CCDC88A: variants seen among roughly 807,000 people sequenced by gnomAD.
CCDC88A encodes girdin.
In CCDC88A, 54 loss-of-function variants were observed where a neutral mutation model predicts 234.3. That is an observed-to-expected ratio of 0.23 (90% CI 0.19 to 0.29). CCDC88A has a LOEUF of 0.29. Ranked by LOEUF, CCDC88A falls within the 10% of genes least tolerant of loss-of-function variation. The pLI is 1.00. For missense variants in CCDC88A, 1,832 were observed against 2,123.4 expected, an observed-to-expected ratio of 0.86 and a Z score of 2.70; for synonymous variants, 753 against 737.8, an observed-to-expected ratio of 1.02 and a Z score of -0.33.
chr2:55,290,382 G>T lies in CCDC88A; in HGVS notation c.*818C>A, dbSNP rs1208981170. The stretch of plus-strand genomic sequence containing the variant: ...ATACATAACCCAATACCAAAGAAAA[G>T]AAATGAGTTAAAGCACAACAGCTTT... On this transcript the variant is annotated 3_prime_UTR_variant, in exon 33 of 33. Coordinates refer to ENST00000436346, the MANE Select transcript of CCDC88A (RefSeq NM_001365480.1). 1 of 151,890 alleles carries T rather than the reference G, an allele frequency of 6.6e-6. No homozygotes were observed. The highest frequency in any genetic ancestry group is 6.6e-5 in the Admixed American group (1 of 15,238). 9.4% of individuals were successfully genotyped at this position (151,890 alleles called of 1,614,324 possible).
At chr2:55,417,602 T>C (rs1681703666) in intron 2 of CCDC88A, 1 of 151,972 alleles carries the variant, frequency 6.6e-6, no homozygotes, top group South Asian at 2.1e-4. Context: ...TATATTTCTT[T>C]GGGTGCCTAT....
At chr2:55,370,413 G>A (rs148854060) in intron 5 of CCDC88A, among the ~76,000 whole-genome samples, 19 of 150,692 alleles carry the variant, frequency 1.3e-4, no homozygotes, top group East Asian at 1.0e-3. Flanking sequence ...AGGCCGAGGC[G>A]GGCAGATCAC....
In CCDC88A at chr2:55,317,791, A is replaced by C; in HGVS notation, c.3375T>G (p.Asn1125Lys). The change falls in exon 20 of 33, where the codon AAT becomes AAG. Residue 1125 changes from asparagine (N) to lysine (K), a missense_variant. Asn to Lys is a moderately conservative substitution (Grantham distance 94). Coordinates refer to ENST00000436346, the MANE Select transcript of CCDC88A (RefSeq NM_001365480.1). The surrounding 1 kb of genome is among the most constrained non-coding windows in gnomAD (Gnocchi z 4.2). ...AAGACTGCTGGATTAGGAGTTGGGC[A>C]TTCTGGTTCATGAGTGAGGTACTTT... is the stretch of plus-strand genomic sequence containing the variant. ...NSQSTSLMNQ[N>K]AQLLIQQSSL... The C allele has an allele frequency of 6.2e-7, 1 of 1,610,742 alleles. No homozygotes were observed. The highest frequency in any genetic ancestry group is 8.5e-7 in the Non-Finnish European group (1 of 1,177,646).
At chr2:55,388,508 T>C (rs1676082719) in intron 3 of CCDC88A, 1 of 190,596 alleles carries the variant, frequency 5.2e-6, no homozygotes, top group East Asian at 1.3e-4. Context: ...CAACAAAATG[T>C]TACACTATGC....
At chr2:55,295,316 A>C in intron 31 of CCDC88A, 5 of 1,467,388 alleles carry the variant, frequency 3.4e-6, no homozygotes, top group Non-Finnish European at 2.7e-6. Context: ...CACTTATGTT[A>C]CTAACTAATT....
At chr2:55,307,374 T>C (rs1407586694) in intron 25 of CCDC88A, among the ~76,000 whole-genome samples, 2 of 151,700 alleles carry the variant, frequency 1.3e-5, no homozygotes, top group Non-Finnish European at 2.9e-5. Flanking sequence ...TTTTTTTTTT[T>C]TTGAGAGAGA....
chr2:55,302,558 A>G (rs1681020476), intron 26 of CCDC88A: 1 of 163,564 alleles, frequency 6.1e-6, no homozygotes, highest in African/African-American at 2.4e-5. Flanking sequence ...AAGAGATGAT[A>G]TCTAAAGTGA....
At chr2:55,365,238 C>G (rs953159431) in intron 5 of CCDC88A, among the ~76,000 whole-genome samples, 54 of 152,156 alleles carry the variant, frequency 3.5e-4, no homozygotes, top group African/African-American at 1.2e-3. Context: ...TGGGTTTAAA[C>G]TCAAGAATTT....
At chr2:55,353,591 C>T (rs1670165451) in intron 8 of CCDC88A, among the ~76,000 whole-genome samples, 1 of 142,588 alleles carries the variant, frequency 7.0e-6, no homozygotes, top group Admixed American at 7.3e-5. Flanking sequence ...TTAATTGCTA[C>T]ACTGTGGTTT....
chr2:55,334,449 A>G lies in CCDC88A; in HGVS notation c.2372T>C (p.Met791Thr), dbSNP rs143163482. Residue 791 changes from methionine (M) to threonine (T), a missense_variant, in exon 15 of 33, where the codon ATG becomes ACG. By Grantham distance (81) the Met-to-Thr change is moderately conservative. Around this residue, in one of 6 missense-constraint regions of CCDC88A, gnomAD observed 1,282 missense variants for 1,543.6 expected, o/e 0.83. Transcript: ENST00000436346. The surrounding 1 kb of genome is among the most constrained non-coding windows in gnomAD (Gnocchi z 6.1). ...QLESELQDLE[M>T]ENQTLQKNLE... ...GTTTTTCTGCAATGTTTGATTTTCC[A>G]TCTCTAAGTCTTGTAGTTCACTCTC... is the stretch of plus-strand genomic sequence containing the variant. 5.6e-5 allele frequency: 88 copies of G among 1,583,404 alleles called. No individual in the cohort carries two copies. In the African/African-American group the frequency reaches 1.0e-3, roughly 19 times the overall value.
chr2:55,370,286 G>C (rs77854260), intron 5 of CCDC88A, among the ~76,000 whole-genome samples: 1,806 of 152,240 alleles, frequency 0.012, 24 homozygotes, highest in Middle Eastern at 0.02. Flanking sequence ...AGGTTAGAAT[G>C]ATGGTCTCCT....
chr2:55,413,980 A>C (rs1466119023), intron 2 of CCDC88A, among the ~76,000 whole-genome samples: 1 of 150,422 alleles, frequency 6.6e-6, no homozygotes, highest in African/African-American at 2.4e-5. Context: ...AAAAAAAAAA[A>C]CAAGCAAACA....
chr2:55,301,493 T>C, intron 27 of CCDC88A: 1 of 514,230 alleles, frequency 1.9e-6, no homozygotes, highest in East Asian at 3.3e-5. Context: ...CCAAAAGCAA[T>C]GAAACAATCT....
intron 5 of CCDC88A, among the ~76,000 whole-genome samples, chr2:55,370,200 G>C (rs1451329786): frequency 6.6e-6 from 1 of 152,056 alleles, no homozygotes; most frequent in Non-Finnish European, 1.5e-5. Flanking sequence ...TTGACAAGCT[G>C]ATATCATATC....
chr2:55,349,538 G>A lies in CCDC88A; in HGVS notation c.862C>T (p.Leu288Phe). The change falls in exon 9 of 33, where the codon CTC becomes TTC. Residue 288 changes from leucine to phenylalanine, a missense_variant. Physicochemically the swap from Leu to Phe is conservative, Grantham distance 22. Coordinates refer to ENST00000436346, the MANE Select transcript of CCDC88A (RefSeq NM_001365480.1). ...CAAACCTCTTGTTGCAGCCTTTTGA[G>A]TTCTATTTCCATTTGCTCAAGTTCT... Reference protein sequence around the residue: ...KQELEQMEIELKRLQQENMNL... With the variant: ...KQELEQMEIEFKRLQQENMNL... The A allele has an allele frequency of 6.2e-7, 1 of 1,612,248 alleles. No homozygotes were observed. The highest frequency in any genetic ancestry group is 8.5e-7 in the Non-Finnish European group (1 of 1,179,004).
intron 23 of CCDC88A, among the ~76,000 whole-genome samples, chr2:55,310,577 A>G (rs909171481): frequency 1.9e-4 from 29 of 152,090 alleles, no homozygotes; most frequent in African/African-American, 6.3e-4. Context: ...CAAGACTGAA[A>G]AGAAAAAAAA....
At chr2:55,357,001 AAATACAATCTTGGACAGCCCAGG>A (rs1443195761) in intron 7 of CCDC88A, among the ~76,000 whole-genome samples, 3 of 152,210 alleles carry the variant, frequency 2.0e-5, no homozygotes, top group African/African-American at 4.8e-5. Context: ...GACAGCCCAG[AAATACAATCTTGGACAGCCCAGG>A]AATACAATCT....
chr2:55,332,477 G>A lies in CCDC88A; in HGVS notation c.2855+89C>T, dbSNP rs940506202. On this transcript the variant is annotated intron_variant, in intron 16 of 32. Coordinates refer to ENST00000436346, the MANE Select transcript of CCDC88A (RefSeq NM_001365480.1). The surrounding 1 kb of genome is among the most constrained non-coding windows in gnomAD (Gnocchi z 4.5). ...CAGAAATAGGGTGAAATATATAAAT[G>A]TTTTCTATAGCTAGTACAGAAAGAA... The A allele has an allele frequency of 6.7e-7, 1 of 1,498,478 alleles. No homozygotes were observed. Among genetic ancestry groups the A allele is most frequent in the African/African-American group, 1.4e-5 (1 of 70,272 alleles). 92.8% of individuals were successfully genotyped at this position (1,498,478 alleles called of 1,614,324 possible). A position where few individuals can be genotyped will look rare whatever the true frequency, so the allele number is the denominator to read the frequency against.
At chr2:55,293,144 T>C (rs1357463042) in intron 31 of CCDC88A, among the ~76,000 whole-genome samples, 1 of 152,166 alleles carries the variant, frequency 6.6e-6, no homozygotes, top group Admixed American at 6.5e-5. Context: ...TCAATGAATT[T>C]TGAATGAATA....
Sources: gnomAD v4.1 joint callset for allele counts (sites outside exome capture counted in the v4.1 genomes callset) on GRCh38, gnomAD v4.1.1 for gene constraint, gnomAD v4.1.1 regional missense constraint, Gnocchi (gnomAD v3.1) non-coding constraint, MANE v1.5 for transcripts, NCBI Gene and HGNC (gene_info 2026-07-23, HGNC 2026-07-21) for gene names.